Variants in QNG1 observed in about 807,000 individuals in gnomAD.
QNG1 encodes queuosine 5'-phosphate N-glycosylase/hydrolase.
the QNG1 span, chr9:83,956,621 C>G: frequency 1.3e-6 from 1 of 776,490 alleles, no homozygotes; most frequent in Non-Finnish European, 2.0e-6. Context: ...CCCGCCCTGC[C>G]AGGGAGTGGC....
chr9:83,953,971 T>A, the QNG1 span: 1 of 614,550 alleles, frequency 1.6e-6, no homozygotes, highest in Non-Finnish European at 2.9e-6. Flanking sequence ...CTCGGCTCAC[T>A]GCAGCCTCCA....
chr9:83,948,573 C>T, the QNG1 span, among the ~76,000 whole-genome samples: 9 of 151,876 alleles, frequency 5.9e-5, no homozygotes, highest in Non-Finnish European at 1.2e-4. Flanking sequence ...TCTGCCCGGC[C>T]GCCACCACGT....
At chr9:83,942,169 T>G in the QNG1 span, among the ~76,000 whole-genome samples, 1 of 152,192 alleles carries the variant, frequency 6.6e-6, no homozygotes, top group Non-Finnish European at 1.5e-5. Flanking sequence ...TTTGTGGTAA[T>G]TTGTTATGTC....
chr9:83,952,863 A>C, the QNG1 span, among the ~76,000 whole-genome samples: 4 of 146,228 alleles, frequency 2.7e-5, no homozygotes, highest in Non-Finnish European at 4.5e-5. Flanking sequence ...AGCTACTCGG[A>C]GGCAGAGAAC....
chr9:83,943,019 T>C, the QNG1 span, among the ~76,000 whole-genome samples: 1 of 151,952 alleles, frequency 6.6e-6, no homozygotes, highest in African/African-American at 2.4e-5. Context: ...AGCATTTGAG[T>C]GAAGCCTCTG....
chr9:83,950,245 TC>T, the QNG1 span, among the ~76,000 whole-genome samples: 1 of 151,904 alleles, frequency 6.6e-6, no homozygotes, highest in Non-Finnish European at 1.5e-5. Context: ...AGACGGGGTT[TC>T]ACCACGTGTG....
At chr9:83,953,933 CG>C in the QNG1 span, 2 of 898,876 alleles carry the variant, frequency 2.2e-6, no homozygotes, top group South Asian at 3.0e-5. Context: ...AATTCTGTCT[CG>C]TCTAGGCTGG....
At chr9:83,947,752 T>C in the QNG1 span, among the ~76,000 whole-genome samples, 1 of 152,232 alleles carries the variant, frequency 6.6e-6, no homozygotes, top group Non-Finnish European at 1.5e-5. Context: ...TGACCGCGAG[T>C]GATCTGCCCG....
the QNG1 span, among the ~76,000 whole-genome samples, chr9:83,940,940 T>C: frequency 6.6e-6 from 1 of 152,202 alleles, no homozygotes; most frequent in Non-Finnish European, 1.5e-5. Context: ...TTCCTTACTT[T>C]GCCCCAGGTG....
chr9:83,955,018 T>G, the QNG1 span, among the ~76,000 whole-genome samples: 3 of 150,828 alleles, frequency 2.0e-5, no homozygotes, highest in Non-Finnish European at 4.4e-5. Flanking sequence ...GCCAACATAG[T>G]GAAACCCCGT....
At chr9:83,953,494 C>T in the QNG1 span, among the ~76,000 whole-genome samples, 2 of 150,794 alleles carry the variant, frequency 1.3e-5, no homozygotes, top group African/African-American at 2.4e-5. Context: ...ATTACAGGCA[C>T]CCACCACCAC....
chr9:83,949,095 T>TAAAAAAAAAAAAAA, the QNG1 span, among the ~76,000 whole-genome samples: 1 of 121,136 alleles, frequency 8.3e-6, no homozygotes. Flanking sequence ...CAATAAATAC[T>TAAAAAAAAAAAAAA]AAAAAAAAAA....
At chr9:83,938,824 GC>G in the QNG1 span, 1 of 152,098 alleles carries the variant, frequency 6.6e-6, no homozygotes, top group South Asian at 2.1e-4. Context: ...GCTCACTGCA[GC>G]CTCAAACCCC....
chr9:83,947,319 T>C, the QNG1 span, among the ~76,000 whole-genome samples: 3 of 152,192 alleles, frequency 2.0e-5, no homozygotes, highest in Non-Finnish European at 4.4e-5. Context: ...AAAGGCTCTA[T>C]ATAAAAATTC....
At chr9:83,944,847 G>C in the QNG1 span, 1 of 1,613,898 alleles carries the variant, frequency 6.2e-7, no homozygotes, top group Non-Finnish European at 8.5e-7. Context: ...TCCAAGATGA[G>C]CAAGAACCTG....
chr9:83,944,269 C>A, the QNG1 span, among the ~76,000 whole-genome samples: 1 of 152,176 alleles, frequency 6.6e-6, no homozygotes, highest in Non-Finnish European at 1.5e-5. Context: ...TTCACACAAA[C>A]TTTTCAACCC....
the QNG1 span, chr9:83,956,142 C>T: frequency 6.2e-7 from 1 of 1,604,378 alleles, no homozygotes; most frequent in African/African-American, 1.3e-5. Context: ...CCGTTAGGTC[C>T]GATGGCAAGT....
chr9:83,945,400 CA>C, the QNG1 span, among the ~76,000 whole-genome samples: 41,238 of 109,858 alleles, frequency 0.38, 6,171 homozygotes, highest in Middle Eastern at 0.49. Context: ...GACCCTGTCT[CA>C]AAAAAAAAAA....
At chr9:83,943,317 G>A in the QNG1 span, among the ~76,000 whole-genome samples, 3 of 123,898 alleles carry the variant, frequency 2.4e-5, no homozygotes, top group Non-Finnish European at 4.7e-5. Context: ...TCCAGCTTGG[G>A]CAACAGAGCG....
Sources: allele counts gnomAD v4.1 joint callset (sites outside exome capture counted in the v4.1 genomes callset), GRCh38; gene constraint gnomAD v4.1.1; transcripts MANE v1.5; gene names NCBI Gene and HGNC (gene_info 2026-07-23, HGNC 2026-07-21).